MYO5B: variants seen among roughly 807,000 people sequenced by gnomAD.
The protein encoded by MYO5B is myosin VB.
MYO5B carries 143 observed loss-of-function variants against 229.3 expected under a neutral mutation model. That is an observed-to-expected ratio of 0.62 (90% CI 0.54 to 0.72). The LOEUF (loss-of-function observed/expected upper bound fraction) is 0.72, where lower values mean the gene tolerates loss of function less well. Among genes scored for constraint, MYO5B ranks in the 30% least tolerant of loss-of-function variants. The probability of loss-of-function intolerance (pLI) is 0.00; values close to 1 mark genes in which losing one functional copy is unlikely to be tolerated. For synonymous variants in MYO5B, 918 were observed against 885.2 expected, an observed-to-expected ratio of 1.04 and a Z score of -0.66; for missense variants, 2,321 against 2,331.0, an observed-to-expected ratio of 1.00 and a Z score of 0.09.
intron 31 of MYO5B, 140 bp downstream of exon 31, chr18:49,853,309 C>T (rs761548700): frequency 1.2e-4 from 103 of 848,162 alleles, no homozygotes; most frequent in Middle Eastern, 2.3e-4. Flanking sequence ...GGGTCTTGAC[C>T]GGAGACTTCT....
intron 1 of MYO5B, among the ~76,000 whole-genome samples, chr18:50,118,500 C>A (rs2032003121): frequency 6.6e-6 from 1 of 152,196 alleles, no homozygotes; most frequent in African/African-American, 2.4e-5. Flanking sequence ...GAGTGCTGAT[C>A]CCCAGGTCTG....
intron 31 of MYO5B, among the ~76,000 whole-genome samples, chr18:49,853,049 A>C (rs909295400): frequency 6.6e-6 from 1 of 152,194 alleles, no homozygotes; most frequent in Admixed American, 6.5e-5. Context: ...AAGAGGTAGA[A>C]TCTCTCTCTC....
rs58294888 is a variant in MYO5B at position 49,962,700 on chromosome 18, C to G, written c.1404+249G>C. 1 allele frequency among the ~76,000 whole-genome samples: 152,246 copies of G among 152,246 alleles called. 76,123 individuals are homozygous for G. The highest frequency in any genetic ancestry group is 1 in the Non-Finnish European group (68,042 of 68,042). On this transcript the variant is annotated intron_variant, in intron 11 of 39. Transcript: ENST00000285039. ...TGTTGCTTAAATACCCTAACACCTA[C>G]GCTCAAGGAATGGGAGTCAAAGCCA...
At chr18:50,065,779 C>T (rs1457680842) in intron 1 of MYO5B, among the ~76,000 whole-genome samples, 2 of 152,086 alleles carry the variant, frequency 1.3e-5, no homozygotes, top group Admixed American at 6.6e-5. Context: ...GGGACCCAAC[C>T]CACTGTGGGT....
At chr18:49,948,293 A>C (rs184201867) in intron 14 of MYO5B, among the ~76,000 whole-genome samples, 1 of 152,308 alleles carries the variant, frequency 6.6e-6, no homozygotes, top group Non-Finnish European at 1.5e-5. Context: ...CCTTTCAATC[A>C]ATTCTTTTTA....
chr18:50,004,508 G>C (rs953887559), intron 4 of MYO5B, among the ~76,000 whole-genome samples: 3 of 152,198 alleles, frequency 2.0e-5, no homozygotes, highest in Admixed American at 2.0e-4. Context: ...AGACCAACAA[G>C]CACCATTCAA....
At chr18:49,998,433 C>A (rs2026012759) in intron 5 of MYO5B, among the ~76,000 whole-genome samples, 1 of 152,170 alleles carries the variant, frequency 6.6e-6, no homozygotes, top group Non-Finnish European at 1.5e-5. Flanking sequence ...TCTGTGTGTG[C>A]ATGTTGCTTT....
intron 14 of MYO5B, among the ~76,000 whole-genome samples, chr18:49,939,590 C>G (rs2025291387): frequency 6.6e-6 from 1 of 152,182 alleles, no homozygotes; most frequent in African/African-American, 2.4e-5. Context: ...ATGTAGGCGA[C>G]TGGGGAGAAG....
At chr18:49,968,429 T>A (rs549388478) in intron 10 of MYO5B, among the ~76,000 whole-genome samples, 1 of 152,358 alleles carries the variant, frequency 6.6e-6, no homozygotes, top group African/African-American at 2.4e-5. Context: ...TCCAAAGACA[T>A]AAGTGATTAA....
intron 1 of MYO5B, among the ~76,000 whole-genome samples, chr18:50,114,281 T>C (rs1480858971): frequency 6.6e-6 from 1 of 152,212 alleles, no homozygotes; most frequent in Admixed American, 6.5e-5. Flanking sequence ...GTTTATGTTA[T>C]GTAAATTTTG....
At chr18:50,154,526 G>C (rs555383398) in intron 1 of MYO5B, among the ~76,000 whole-genome samples, 52 of 152,334 alleles carry the variant, frequency 3.4e-4, no homozygotes, top group African/African-American at 1.2e-3. Context: ...CAAAGAGCAT[G>C]GGCAAAGTCC....
intron 1 of MYO5B, among the ~76,000 whole-genome samples, chr18:50,189,032 G>GA (rs2033192511): frequency 6.6e-6 from 1 of 152,178 alleles, no homozygotes; most frequent in African/African-American, 2.4e-5. Flanking sequence ...GATGAGAGAA[G>GA]AAAAAAACCA....
At chr18:49,875,897 A>AT in intron 25 of MYO5B, 70 bp from the exon 26 acceptor site, 1 of 1,571,024 alleles carries the variant, frequency 6.4e-7, no homozygotes, top group South Asian at 1.1e-5. Context: ...ACAGCACTTC[A>AT]CTGCCTCCCT....
At chr18:49,961,604 T>C (rs768453581) in intron 12 of MYO5B, among the ~76,000 whole-genome samples, 1 of 152,252 alleles carries the variant, frequency 6.6e-6, no homozygotes, top group East Asian at 1.9e-4. Flanking sequence ...CTGGAGGAAC[T>C]GGTATATATT....
intron 1 of MYO5B, among the ~76,000 whole-genome samples, chr18:50,072,368 A>G (rs576476151): frequency 6.6e-6 from 1 of 152,360 alleles, no homozygotes; most frequent in Non-Finnish European, 1.5e-5. Context: ...GTGAAAAAGC[A>G]GCCCCATTTA....
chr18:49,921,223 G>A (rs1207049257), intron 17 of MYO5B, among the ~76,000 whole-genome samples: 9 of 151,696 alleles, frequency 5.9e-5, no homozygotes, highest in African/African-American at 1.2e-4. Flanking sequence ...GTGAAGGTGG[G>A]AGGATGTGGA....
intron 27 of MYO5B, among the ~76,000 whole-genome samples, chr18:49,868,845 G>T (rs1384289206): frequency 6.6e-6 from 1 of 152,186 alleles, no homozygotes; most frequent in African/African-American, 2.4e-5. Context: ...CCCCAAATGG[G>T]GGCACCTAAG....
intron 1 of MYO5B, among the ~76,000 whole-genome samples, chr18:50,158,611 A>G (rs1316489864): frequency 3.3e-5 from 5 of 152,296 alleles, no homozygotes; most frequent in East Asian, 3.9e-4. Context: ...ACCTGAGAAC[A>G]CCCTTCAAAA....
At chr18:50,007,224 T>A (rs1013880765) in intron 4 of MYO5B, among the ~76,000 whole-genome samples, 1 of 152,190 alleles carries the variant, frequency 6.6e-6, no homozygotes, top group African/African-American at 2.4e-5. Flanking sequence ...ACCTCCTCTA[T>A]GTAAGTGGCA....
Sources: gnomAD v4.1 joint callset for allele counts (sites outside exome capture counted in the v4.1 genomes callset) on GRCh38, gnomAD v4.1.1 for gene constraint, MANE v1.5 for transcripts, NCBI Gene and HGNC (gene_info 2026-07-23, HGNC 2026-07-21) for gene names.